Variants in ANO3 observed in about 807,000 individuals in gnomAD.
The protein encoded by ANO3 is anoctamin-3.
Under a neutral mutation model 144.8 loss-of-function variants are expected in ANO3, and 99 were observed. That is an observed-to-expected ratio of 0.68 (90% CI 0.58 to 0.81). The LOEUF (loss-of-function observed/expected upper bound fraction) is 0.81, where lower values mean the gene tolerates loss of function less well. ANO3 is among the 30% of genes least tolerant of loss of function. The pLI is 0.00. For missense variants in ANO3, 905 were observed against 1,202.2 expected (o/e 0.75, Z 3.66); for synonymous variants, 414 against 392.6 (o/e 1.05, Z -0.64).
intron 14 of ANO3, among the ~76,000 whole-genome samples, chr11:26,567,845 T>C (rs1055240689): frequency 1.3e-5 from 2 of 151,992 alleles, no homozygotes; most frequent in Non-Finnish European, 2.9e-5. Context: ...TAGAGCTGTA[T>C]GCAACGACAT....
intron 1 of ANO3, among the ~76,000 whole-genome samples, chr11:26,366,385 A>G (rs1169980880): frequency 6.6e-6 from 1 of 152,028 alleles, no homozygotes; most frequent in African/African-American, 2.4e-5. Context: ...TTCTTAATCT[A>G]GTCTATTTGG....
chr11:26,253,782 C>T (rs1852992996), intron 1 of ANO3, among the ~76,000 whole-genome samples: 1 of 152,064 alleles, frequency 6.6e-6, no homozygotes, highest in African/African-American at 2.4e-5. Flanking sequence ...ATTTATTATG[C>T]CACCCCACCT....
chr11:26,194,797 C>T (rs1325860704), intron 1 of ANO3, among the ~76,000 whole-genome samples: 1 of 152,014 alleles, frequency 6.6e-6, no homozygotes, highest in Non-Finnish European at 1.5e-5. Flanking sequence ...AACTCCTGAC[C>T]TCAGGTGATC....
At chr11:26,304,766 A>G (rs1590247084), upstream of ANO3, among the ~76,000 whole-genome samples, 1 of 152,320 alleles carries the variant, frequency 6.6e-6, no homozygotes, top group South Asian at 2.1e-4. Context: ...TAGTATGGCA[A>G]CAAACATCAG....
At chr11:26,626,158 T>C (rs933172202) in intron 18 of ANO3, among the ~76,000 whole-genome samples, 2 of 152,222 alleles carry the variant, frequency 1.3e-5, no homozygotes, top group Non-Finnish European at 2.9e-5. Context: ...TTGAATCTTT[T>C]CTCATTTTGA....
intron 4 of ANO3, among the ~76,000 whole-genome samples, chr11:26,501,843 T>C (rs1565064770): frequency 6.6e-6 from 1 of 152,194 alleles, no homozygotes; most frequent in Non-Finnish European, 1.5e-5. Context: ...AGGAAAGAGT[T>C]CTTTTTACAA....
chr11:26,441,340 A>G (rs1858515766), intron 1 of ANO3, among the ~76,000 whole-genome samples: 1 of 149,920 alleles, frequency 6.7e-6, no homozygotes, highest in Non-Finnish European at 1.5e-5. Flanking sequence ...GATGGTCTCG[A>G]TCTCCTGACC....
intron 1 of ANO3, among the ~76,000 whole-genome samples, chr11:26,325,556 A>G (rs922710786): frequency 1.3e-5 from 2 of 152,218 alleles, no homozygotes; most frequent in Admixed American, 6.5e-5. Flanking sequence ...GTTTCAAGTC[A>G]TCAATATTTA....
intron 4 of ANO3, chr11:26,473,873 T>C (rs1439823193): frequency 1.1e-6 from 1 of 942,206 alleles, no homozygotes; most frequent in Non-Finnish European, 1.3e-6. Context: ...ACAGATGTTC[T>C]TATAAAGAGA....
At chr11:26,302,397 AG>A (rs1303504665) in intron 1 of ANO3, among the ~76,000 whole-genome samples, 1 of 152,172 alleles carries the variant, frequency 6.6e-6, no homozygotes, top group Non-Finnish European at 1.5e-5. Flanking sequence ...CAGGAGGCTG[AG>A]GCAGGAGAAT....
At chr11:26,217,487 G>A (rs1418194562) in intron 1 of ANO3, among the ~76,000 whole-genome samples, 5 of 151,984 alleles carry the variant, frequency 3.3e-5, no homozygotes, top group African/African-American at 1.2e-4. Context: ...CACAAATAAT[G>A]ATTCGAGAGT....
chr11:26,615,064 C>A (rs1852211714), intron 17 of ANO3, among the ~76,000 whole-genome samples: 1 of 150,810 alleles, frequency 6.6e-6, no homozygotes, highest in South Asian at 2.1e-4. Context: ...GAATATTTAT[C>A]TCTGTATATA....
At chr11:26,536,873 A>G (rs1020130450) in intron 9 of ANO3, among the ~76,000 whole-genome samples, 2 of 152,176 alleles carry the variant, frequency 1.3e-5, no homozygotes, top group African/African-American at 4.8e-5. Flanking sequence ...TACCAGGAGT[A>G]TATGAGAGTG....
At chr11:26,347,904 A>AT (rs1296500296) in intron 1 of ANO3, among the ~76,000 whole-genome samples, 1 of 152,226 alleles carries the variant, frequency 6.6e-6, no homozygotes, top group Non-Finnish European at 1.5e-5. Context: ...AGAGCAAGAA[A>AT]AGGGTCCTGG....
In ANO3 at chr11:26,350,037, TGGGGAGGAGACAGGAACGGAAG is replaced by T. The variant is rs201958227; in HGVS notation, c.46+17745_46+17766del. Among the ~76,000 whole-genome samples, 785 of 149,444 alleles carry T rather than the reference TGGGGAGGAGACAGGAACGGAAG, an allele frequency of 5.3e-3. 33 individuals carry two copies. In the East Asian group the frequency reaches 0.097, roughly 19 times the overall value. ...TCTGAAAGAGACGGGAAAGGAGAGT[TGGGGAGGAGACAGGAACGGAAG>T]GGGGAGGAGACAGGAACGGAAGGGG... On this transcript the variant is annotated intron_variant, in intron 1 of 26. Coordinates refer to ENST00000256737, the MANE Select transcript of ANO3 (RefSeq NM_031418.4).
chr11:26,291,771 G>C (rs941955610), intron 1 of ANO3, among the ~76,000 whole-genome samples: 10 of 152,182 alleles, frequency 6.6e-5, no homozygotes, highest in African/African-American at 2.4e-4. Context: ...TTTCTGCTGA[G>C]AGATCTGCTG....
Position 26,253,950 on chromosome 11 carries a change from G to A in ANO3, c.155-55695G>A, listed in dbSNP as rs530719640. 7.9e-5 allele frequency among the ~76,000 whole-genome samples: 12 copies of A among 152,200 alleles called. No homozygotes were observed. In the East Asian group the frequency reaches 1.4e-3, roughly 17 times the overall value. ...GTCGAGCGAATTTTACAGGGTCCAG[G>A]ATTTTAGTTTAGGAAAAAACAAGAA... On this transcript the variant is annotated intron_variant, in intron 1 of 27. Transcript: ENST00000672621.
At chr11:26,468,774 C>A (rs1371929399) in intron 4 of ANO3, among the ~76,000 whole-genome samples, 3 of 151,918 alleles carry the variant, frequency 2.0e-5, no homozygotes, top group African/African-American at 7.2e-5. Flanking sequence ...ACTAACTTGG[C>A]TCTATATGGC....
At chr11:26,227,410 G>T (rs1363416052) in intron 1 of ANO3, among the ~76,000 whole-genome samples, 2 of 152,116 alleles carry the variant, frequency 1.3e-5, no homozygotes, top group Non-Finnish European at 2.9e-5. Flanking sequence ...CGGCTTGATT[G>T]TCTATGTAAT....
Sources: allele counts gnomAD v4.1 joint callset (sites outside exome capture counted in the v4.1 genomes callset), GRCh38; gene constraint gnomAD v4.1.1; transcripts MANE v1.5; gene names NCBI Gene and HGNC (gene_info 2026-07-23, HGNC 2026-07-21).